Variants in ARL15 observed in about 807,000 individuals in gnomAD.
The protein encoded by ARL15 is ARF like GTPase 15.
In ARL15, 19 loss-of-function variants were observed where a neutral mutation model predicts 25.2. That is an observed-to-expected ratio of 0.75 (90% CI 0.53 to 1.10). The LOEUF is 1.10. Among genes scored for constraint, ARL15 ranks in the 50% least tolerant of loss-of-function variants. The probability of loss-of-function intolerance (pLI) is 0.00; values close to 1 mark genes in which losing one functional copy is unlikely to be tolerated. For synonymous variants in ARL15, 94 were observed against 86.8 expected, an observed-to-expected ratio of 1.08 and a Z score of -0.46; for missense variants, 220 against 246.0, an observed-to-expected ratio of 0.89 and a Z score of 0.71.
chr5:54,195,398 GCTA>G (rs1755522385), intron 1 of ARL15, among the ~76,000 whole-genome samples: 1 of 152,162 alleles, frequency 6.6e-6, no homozygotes. Context: ...GGTTTAAATA[GCTA>G]CTACAACAAC....
At chr5:54,035,767 C>A (rs1206892428) in intron 4 of ARL15, among the ~76,000 whole-genome samples, 3 of 152,052 alleles carry the variant, frequency 2.0e-5, no homozygotes, top group Admixed American at 2.0e-4. Context: ...TTAATAGAGT[C>A]ATATTTGAAC....
At chr5:54,249,309 T>G (rs1386714081) in intron 1 of ARL15, among the ~76,000 whole-genome samples, 1 of 152,146 alleles carries the variant, frequency 6.6e-6, no homozygotes, top group Non-Finnish European at 1.5e-5. Flanking sequence ...GAACTTTCTA[T>G]GTACATCTCT....
intron 1 of ARL15, among the ~76,000 whole-genome samples, chr5:54,298,893 GT>G (rs34557772): frequency 6.7e-6 from 1 of 149,656 alleles, no homozygotes; most frequent in Non-Finnish European, 1.5e-5. Context: ...TGGTTTTTTG[GT>G]TTTTTTTTCC....
chr5:53,914,540 A>G (rs997649519), intron 4 of ARL15, among the ~76,000 whole-genome samples: 3 of 152,166 alleles, frequency 2.0e-5, no homozygotes, highest in Non-Finnish European at 4.4e-5. Flanking sequence ...TAATACATAA[A>G]TATTCGTCCA....
At chr5:54,050,007 C>A (rs1475911710) in intron 4 of ARL15, among the ~76,000 whole-genome samples, 1 of 152,142 alleles carries the variant, frequency 6.6e-6, no homozygotes, top group Non-Finnish European at 1.5e-5. Context: ...ACTGTACTAG[C>A]CTTCCTCTTC....
intron 4 of ARL15, among the ~76,000 whole-genome samples, chr5:54,107,196 G>A (rs1752614337): frequency 6.6e-6 from 1 of 152,124 alleles, no homozygotes; most frequent in East Asian, 1.9e-4. Flanking sequence ...CACGAGAATA[G>A]CACAGGAAAG....
intron 4 of ARL15, among the ~76,000 whole-genome samples, chr5:54,106,681 G>A (rs1355788064): frequency 1.3e-5 from 2 of 152,020 alleles, no homozygotes; most frequent in African/African-American, 4.8e-5. Context: ...TCAGAGAATG[G>A]TGTTTTTCCC....
chr5:53,969,841 G>GA (rs914842300), intron 4 of ARL15, among the ~76,000 whole-genome samples: 70 of 150,860 alleles, frequency 4.6e-4, no homozygotes, highest in South Asian at 1.9e-3. Flanking sequence ...GTAAAAAAAA[G>GA]AAAAAAAAAT....
intron 1 of ARL15, among the ~76,000 whole-genome samples, chr5:54,292,650 G>A (rs1005917142): frequency 4.6e-5 from 7 of 152,008 alleles, no homozygotes; most frequent in Non-Finnish European, 5.9e-5. Context: ...GTAGAACCAC[G>A]CACAATTCAA....
At chr5:54,053,075 C>CA (rs1428317761) in intron 4 of ARL15, among the ~76,000 whole-genome samples, 1 of 152,064 alleles carries the variant, frequency 6.6e-6, no homozygotes, top group Non-Finnish European at 1.5e-5. Context: ...AACAAAATAA[C>CA]AGAGTATTGA....
chr5:54,075,149 A>C (rs1751556974), intron 4 of ARL15, among the ~76,000 whole-genome samples: 1 of 150,390 alleles, frequency 6.6e-6, no homozygotes, highest in Non-Finnish European at 1.5e-5. Flanking sequence ...TCCTGGCCCA[A>C]AGAAGCTATT....
intron 2 of ARL15, among the ~76,000 whole-genome samples, chr5:54,164,799 T>TA (rs936276687): frequency 2.0e-5 from 3 of 151,992 alleles, no homozygotes; most frequent in Non-Finnish European, 2.9e-5. Context: ...TCTTGGTTTT[T>TA]AAAAAAATCT....
chr5:53,973,516 G>T (rs1298291299), intron 4 of ARL15, among the ~76,000 whole-genome samples: 1 of 150,384 alleles, frequency 6.6e-6, no homozygotes, highest in Non-Finnish European at 1.5e-5. Context: ...AGAGGTTGCA[G>T]TGAGCCAAGA....
At chr5:54,249,618 TTCATGAGG>T (rs1369682963) in intron 1 of ARL15, among the ~76,000 whole-genome samples, 13 of 148,294 alleles carry the variant, frequency 8.8e-5, no homozygotes, top group African/African-American at 3.3e-4. Context: ...AGTGAAGGAG[TTCATGAGG>T]TCATATCTGA....
chr5:53,951,812 T>A (rs963406357), intron 4 of ARL15, among the ~76,000 whole-genome samples: 2 of 151,838 alleles, frequency 1.3e-5, no homozygotes, highest in African/African-American at 4.8e-5. Flanking sequence ...CCACATTATA[T>A]ATTTTTACTG....
chr5:53,904,321 C>T (rs1302997707), intron 4 of ARL15, among the ~76,000 whole-genome samples: 3 of 152,204 alleles, frequency 2.0e-5, no homozygotes, highest in Non-Finnish European at 4.4e-5. Context: ...GGTTGCTTCA[C>T]AGCTCTCAAG....
At chr5:54,044,938 T>C (rs565504253) in intron 4 of ARL15, among the ~76,000 whole-genome samples, 38 of 152,338 alleles carry the variant, frequency 2.5e-4, no homozygotes, top group South Asian at 2.1e-4. Flanking sequence ...TGCACCTCTC[T>C]GGCCATGATT....
At chr5:54,245,095 G>A (rs166093) in intron 1 of ARL15, among the ~76,000 whole-genome samples, 109,347 of 151,914 alleles carry the variant, frequency 0.72, 39,883 homozygotes, top group African/African-American at 0.75. Context: ...CTTCCCTCCT[G>A]ACATCTTTAT....
intron 4 of ARL15, among the ~76,000 whole-genome samples, chr5:53,894,109 T>TG (rs1461612578): frequency 6.6e-6 from 1 of 152,220 alleles, no homozygotes; most frequent in Non-Finnish European, 1.5e-5. Flanking sequence ...AATATTACTT[T>TG]GGGGGTGCGT....
Sources: allele counts gnomAD v4.1 joint callset (sites outside exome capture counted in the v4.1 genomes callset), GRCh38; gene constraint gnomAD v4.1.1; transcripts MANE v1.5; gene names NCBI Gene and HGNC (gene_info 2026-07-23, HGNC 2026-07-21).